The following DMP1 variants were observed in gnomAD, a reference collection of about 807,000 sequenced individuals.
DMP1 encodes dentin matrix protein 1.
In DMP1, 20 loss-of-function variants were observed where a neutral mutation model predicts 14.6. The observed-to-expected ratio is 1.37, with a 90% CI of 0.96 to 1.99. The LOEUF (loss-of-function observed/expected upper bound fraction) is 1.99. DMP1 is among the 30% of genes most tolerant of loss of function. The pLI is 0.00. For synonymous variants in DMP1, 197 were observed against 215.3 expected (o/e 0.91, Z 0.75); for missense variants, 567 against 620.5 (o/e 0.91, Z 0.92).
At chr4:87,655,443 C>G (rs933576379) in intron 1 of DMP1, among the ~76,000 whole-genome samples, 10 of 152,206 alleles carry the variant, frequency 6.6e-5, no homozygotes, top group Admixed American at 5.9e-4. Flanking sequence ...TATCCCAAAC[C>G]TGTAATCTTC....
intron 3 of DMP1, chr4:87,657,548 G>A (rs1728735104): frequency 6.5e-6 from 1 of 153,146 alleles, no homozygotes; most frequent in African/African-American, 2.4e-5. Flanking sequence ...AGTTCTGAGT[G>A]TTTTACATAT....
At chr4:87,659,052 A>C in intron 3 of DMP1, 168 bp from the exon 4 acceptor site, 1 of 684,776 alleles carries the variant, frequency 1.5e-6, no homozygotes, top group Non-Finnish European at 2.6e-6. Context: ...TAGTCATTTT[A>C]CTTTCCTTTT....
rs1184565756 is a variant in DMP1 at position 87,662,018 on chromosome 4, T to A, written c.240T>A (p.Asp80Glu). The part of the protein sequence containing the change: ...TQSEEGLGSD[D>E]HQYIYRLAGG... ...CAGAGGAGGGCCTGGGCTCTGATGA[T>A]CATCAATACATTTATAGGCTAGCTG... Residue 80 changes from aspartate to glutamate, a missense_variant, in exon 6 of 6, where the codon GAT (aspartate) becomes GAA (glutamate). Coordinates refer to ENST00000339673, the MANE Select transcript of DMP1 (RefSeq NM_004407.4). 9 of 1,614,052 alleles carry A rather than the reference T, an allele frequency of 5.6e-6. No individual in the cohort carries two copies. The highest frequency in any genetic ancestry group is 7.6e-6 in the Non-Finnish European group (9 of 1,180,054).
chr4:87,663,037 A>G lies in DMP1; in HGVS notation c.1259A>G (p.Glu420Gly), dbSNP rs1339335485. ...CTCAACTTCTCAGAGGAAAGCCCGG[A>G]GTCCCCTGAGGATGAGAACAGCTCC... ...ESLNFSEESPESPEDENSSSQ... is the reference protein window; with the variant it reads ...ESLNFSEESPGSPEDENSSSQ... Residue 420 changes from glutamate to glycine, a missense_variant, in exon 6 of 6, where the codon GAG (glutamate) becomes GGG (glycine). Transcript: ENST00000339673. 1.2e-6 allele frequency: 2 copies of G among 1,614,186 alleles called. No homozygotes were observed. Among genetic ancestry groups the G allele is most frequent in the Non-Finnish European group, 1.7e-6 (2 of 1,180,010 alleles).
chr4:87,659,277 A>G (rs1021786356), intron 4 of DMP1, 25 bp downstream of exon 4: 10 of 1,613,354 alleles, frequency 6.2e-6, no homozygotes, highest in African/African-American at 1.3e-5. Flanking sequence ...TACTTTTGTC[A>G]TAAACATCTC....
At position 87,663,644 on chromosome 4, in the gene DMP1, A is replaced by G. The variant is rs1278962611; in HGVS notation, c.*324A>G. On this transcript the variant is annotated 3_prime_UTR_variant, in exon 6 of 6. Transcript: ENST00000339673. ...GGGTGTCCATGATATACCAGGCACT[A>G]TGCTAGGTGTTGAGAATGTAAAGCA... The G allele has an allele frequency of 5.0e-6, 2 of 399,354 alleles. No individual in the cohort carries two copies. The highest frequency in any genetic ancestry group is 9.4e-6 in the Non-Finnish European group (2 of 212,440). The allele number at this position is 399,354 out of a possible 1,614,324, so 24.7% of individuals were successfully genotyped here.
chr4:87,651,217 C>T (rs533210798), intron 1 of DMP1, among the ~76,000 whole-genome samples: 3 of 152,004 alleles, frequency 2.0e-5, no homozygotes, highest in Non-Finnish European at 4.4e-5. Flanking sequence ...TTTAAAAATG[C>T]GAACAAACTA....
chr4:87,661,647 G>GTT lies in DMP1; in HGVS notation c.184-300_184-299dup, dbSNP rs33971931. 0.55 allele frequency among the ~76,000 whole-genome samples: 78,432 copies of GTT among 142,864 alleles called. 22,008 individuals carry two copies. Among genetic ancestry groups the GTT allele is most frequent in the East Asian group, 0.68 (3,304 of 4,886 alleles). The allele number at this position is 142,864 out of a possible 152,430, so 93.7% of individuals were successfully genotyped here. On this transcript the variant is annotated intron_variant, in intron 5 of 5. Transcript: ENST00000339673. ...GTGAGCCACCTTGCCCAGCCCAAGA[G>GTT]TTTTTTTTTTTTTTTTAAGGAATTA... is the stretch of plus-strand genomic sequence containing the variant.
chr4:87,661,941 T>A (rs1728899749), intron 5 of DMP1, 21 bp from the exon 6 acceptor site: 1 of 1,614,004 alleles, frequency 6.2e-7, no homozygotes, highest in African/African-American at 1.3e-5. Flanking sequence ...ACTGACCATA[T>A]CTGTTAACCC....
Position 87,662,703 on chromosome 4 carries a change from C to G in DMP1, c.925C>G (p.Pro309Ala). ...CTCCAGAGACACTGGCCTCAGCCAA[C>G]CCAGGAGAGACAGCAAGGGTGACTC... is the stretch of plus-strand genomic sequence containing the variant. The part of the protein sequence containing the change: ...SNSRDTGLSQ[P>A]RRDSKGDSQE... Residue 309 changes from proline to alanine, a missense_variant, in exon 6 of 6, where the codon CCC becomes GCC. Transcript: ENST00000339673. 2 of 1,614,108 alleles carry G rather than the reference C, an allele frequency of 1.2e-6. No homozygotes were observed. The highest frequency in any genetic ancestry group is 1.7e-6 in the Non-Finnish European group (2 of 1,180,016).
chr4:87,661,852 AGAG>A, intron 5 of DMP1, 107 bp from the exon 6 acceptor site: 2 of 1,588,656 alleles, frequency 1.3e-6, no homozygotes, highest in Non-Finnish European at 1.7e-6. Flanking sequence ...ACCGTAGATT[AGAG>A]GAGGGGATGT....
rs1728967941 is a variant in DMP1 at position 87,663,018 on chromosome 4, T to G, written c.1240T>G (p.Phe414Val). 2 of 1,614,138 alleles carry G rather than the reference T, an allele frequency of 1.2e-6. No homozygotes were observed. Among genetic ancestry groups the G allele is most frequent in the African/African-American group, 2.7e-5 (2 of 75,026 alleles). Residue 414 changes from phenylalanine (F) to valine (V), a missense_variant, in exon 6 of 6, where the codon TTC (phenylalanine) becomes GTC (valine). Physicochemically the swap from Phe to Val is conservative, Grantham distance 50 (BLOSUM62 -1). Coordinates refer to ENST00000339673, the MANE Select transcript of DMP1 (RefSeq NM_004407.4). ...ADSESSESLN[F>V]SEESPESPED... is the part of the protein sequence containing the mutation. ...CAGCGAATCCAGTGAGAGCCTCAAC[T>G]TCTCAGAGGAAAGCCCGGAGTCCCC...
rs140719182 is a variant in DMP1 at position 87,662,127 on chromosome 4, G to A, written c.349G>A (p.Asp117Asn). 75 of 1,614,086 alleles carry A rather than the reference G, an allele frequency of 4.6e-5. No individual in the cohort carries two copies. The highest frequency in any genetic ancestry group is 5.7e-5 in the Non-Finnish European group (67 of 1,180,040). The change falls in exon 6 of 6, where the codon GAT becomes AAT. Residue 117 changes from aspartate to asparagine, a missense_variant. Physicochemically the swap from Asp to Asn is conservative, Grantham distance 23. Transcript: ENST00000339673. ...DDSGDDTFGD[D>N]DSGPGPKDRQ... ...CAGTGGAGATGACACCTTTGGTGAC[G>A]ATGACAGTGGCCCAGGGCCCAAAGA...
chr4:87,657,246 A>G (rs1359706184), intron 3 of DMP1, 167 bp downstream of exon 3: 1 of 539,282 alleles, frequency 1.9e-6, no homozygotes, highest in East Asian at 3.1e-5. Context: ...CCAACTTAGT[A>G]GTATACTCTG....
At chr4:87,655,571 C>T (rs1023580134) in intron 1 of DMP1, among the ~76,000 whole-genome samples, 12 of 151,924 alleles carry the variant, frequency 7.9e-5, no homozygotes, top group Non-Finnish European at 2.9e-5. Context: ...AATATGAAGC[C>T]TACTCTAGCG....
chr4:87,661,950 C>T lies in DMP1; in HGVS notation c.184-12C>T. 2.5e-6 allele frequency: 4 copies of T among 1,614,042 alleles called. No individual in the cohort carries two copies. The highest frequency in any genetic ancestry group is 3.4e-6 in the Non-Finnish European group (4 of 1,180,008). On this transcript the variant is annotated splice_polypyrimidine_tract_variant and intron_variant, in intron 5 of 5. Transcript: ENST00000339673. ...TGGAATACTGACCATATCTGTTAAC[C>T]CCAAATTCTAGGCAAATGAAGACCC...
In DMP1 at chr4:87,662,629, A is replaced by C. The variant is rs751512932; in HGVS notation, c.851A>C (p.Asp284Ala). 5.0e-6 allele frequency: 8 copies of C among 1,614,170 alleles called. No individual in the cohort carries two copies. In the South Asian group the frequency reaches 8.8e-5, roughly 18 times the overall value. The stretch of plus-strand genomic sequence containing the variant: ...GAAGATGACAGAAGCGAGCTTGATG[A>C]CAACAACACAATGGAAGAAGTCAAG... Reference protein sequence around the residue: ...SEEDDRSELDDNNTMEEVKSD... With the variant: ...SEEDDRSELDANNTMEEVKSD... The change falls in exon 6 of 6, where the codon GAC becomes GCC. Residue 284 changes from aspartate (D) to alanine (A), a missense_variant. Physicochemically the swap from Asp to Ala is moderately radical, Grantham distance 126. Coordinates refer to ENST00000339673, the MANE Select transcript of DMP1 (RefSeq NM_004407.4).
At chr4:87,651,988 GT>G (rs1728540649) in intron 1 of DMP1, among the ~76,000 whole-genome samples, 1 of 152,140 alleles carries the variant, frequency 6.6e-6, no homozygotes, top group South Asian at 2.1e-4. Flanking sequence ...GCCGAAAGAA[GT>G]TTTGGCTACA....
At position 87,663,313 on chromosome 4, in the gene DMP1, G is replaced by A; in HGVS notation, c.1535G>A (p.Gly512Asp). Reference sequence around the variant, plus strand: ...CAAGATGACAATGACTGCCAAGACGGCTATTAGCATCAGCTGTCCTAAGAA... The same window carrying A: ...CAAGATGACAATGACTGCCAAGACGACTATTAGCATCAGCTGTCCTAAGAA... The part of the protein sequence containing the change: ...GDQDDNDCQD[G>D]Y Residue 512 changes from glycine (G) to aspartate (D), a missense_variant, in exon 6 of 6, where the codon GGC becomes GAC. Coordinates refer to ENST00000339673, the MANE Select transcript of DMP1 (RefSeq NM_004407.4). The A allele has an allele frequency of 6.2e-7, 1 of 1,614,242 alleles. No homozygotes were observed. Among genetic ancestry groups the A allele is most frequent in the Non-Finnish European group, 8.5e-7 (1 of 1,180,042 alleles).
Sources: gnomAD v4.1 joint callset for allele counts (sites outside exome capture counted in the v4.1 genomes callset) on GRCh38, gnomAD v4.1.1 for gene constraint, MANE v1.5 for transcripts, NCBI Gene and HGNC (gene_info 2026-07-23, HGNC 2026-07-21) for gene names.